HACE1: variants seen among roughly 807,000 people sequenced by gnomAD.
HACE1 encodes the protein HECT domain and ankyrin repeat containing E3 ubiquitin protein ligase 1, also known as E3 ubiquitin-protein ligase HACE1.
Under a neutral mutation model 118.4 loss-of-function variants are expected in HACE1, and 73 were observed. That is an observed-to-expected ratio of 0.62 (90% CI 0.51 to 0.75). The LOEUF (loss-of-function observed/expected upper bound fraction) is 0.75, where lower values mean the gene tolerates loss of function less well. Ranked by LOEUF, HACE1 falls within the 30% of genes least tolerant of loss-of-function variation. The pLI is 0.00. For synonymous variants in HACE1, 368 were observed against 374.8 expected, an observed-to-expected ratio of 0.98 and a Z score of 0.21; for missense variants, 749 against 1,102.2, an observed-to-expected ratio of 0.68 and a Z score of 4.54.
At chr6:104,814,266 G>A (rs1771898600) in intron 6 of HACE1, among the ~76,000 whole-genome samples, 1 of 137,410 alleles carries the variant, frequency 7.3e-6, no homozygotes, top group Non-Finnish European at 1.6e-5. Context: ...CCTTCAACGA[G>A]GCATGTCAAA....
At chr6:104,803,445 C>T (rs1186721809) in intron 7 of HACE1, among the ~76,000 whole-genome samples, 2 of 152,160 alleles carry the variant, frequency 1.3e-5, no homozygotes, top group Non-Finnish European at 2.9e-5. Flanking sequence ...CCTTGATGAA[C>T]ATTGATGCAA....
At chr6:104,831,980 GAGGAAGGAAGGAAGGAAGGAAGGA>G (rs71276551) in intron 6 of HACE1, among the ~76,000 whole-genome samples, 1 of 62,862 alleles carries the variant, frequency 1.6e-5, no homozygotes, top group Non-Finnish European at 3.0e-5. Context: ...GAAGAGAAGA[GAGGAAGGAAGGAAGGAAGGAAGGA>G]AGGAAGGAAG....
intron 22 of HACE1, among the ~76,000 whole-genome samples, chr6:104,735,623 T>A (rs1285553108): frequency 1.3e-5 from 2 of 150,792 alleles, no homozygotes; most frequent in Non-Finnish European, 2.9e-5. Context: ...AGAGCGAGAC[T>A]CCGTCTCAAA....
At chr6:104,825,133 T>C (rs1353895342) in intron 6 of HACE1, among the ~76,000 whole-genome samples, 1 of 151,110 alleles carries the variant, frequency 6.6e-6, no homozygotes, top group African/African-American at 2.4e-5. Flanking sequence ...GCAGAATATA[T>C]GGATCAAAAT....
chr6:104,785,297 G>A lies in HACE1; in HGVS notation c.1097C>T (p.Ser366Leu), dbSNP rs1487373016. Reference sequence around the variant, plus strand: ...TATTAAAACTAGCCATTCATCTAACGAGTGCCAAAGCAATTCCAGAGGCTG... The same window carrying A: ...TATTAAAACTAGCCATTCATCTAACAAGTGCCAAAGCAATTCCAGAGGCTG... The part of the protein sequence containing the change: ...VFKPLELLWH[S>L]LDEWLVLIAT... The change falls in exon 12 of 24, where the codon TCG (serine) becomes TTG (leucine). Residue 366 changes from serine to leucine, a missense_variant. Physicochemically the swap from Ser to Leu is moderately radical, Grantham distance 145. This residue lies in a region of HACE1 where 267 missense variants were observed against 312.2 expected (regional missense o/e 0.86). Transcript: ENST00000262903. 1.2e-6 allele frequency: 2 copies of A among 1,605,004 alleles called. No individual in the cohort carries two copies. The highest frequency in any genetic ancestry group is 1.1e-5 in the South Asian group (1 of 90,890).
chr6:104,793,882 A>T (rs1783334863), intron 10 of HACE1, among the ~76,000 whole-genome samples: 1 of 152,254 alleles, frequency 6.6e-6, no homozygotes, highest in African/African-American at 2.4e-5. Flanking sequence ...AATGGCCATA[A>T]AAATAAGATT....
Position 104,787,672 on chromosome 6 carries a change from C to A in HACE1, c.1075-2353G>T, listed in dbSNP as rs182365332. 3.2e-4 allele frequency among the ~76,000 whole-genome samples: 48 copies of A among 152,276 alleles called. No homozygotes were observed. The East Asian group carries it at 8.9e-3, about 28-fold the overall frequency. On this transcript the variant is annotated intron_variant, in intron 11 of 23. Coordinates refer to ENST00000262903, the MANE Select transcript of HACE1 (RefSeq NM_020771.4). ...AGGTAAGGCCTAACGCAAGAAATGA[C>A]ACAGGCTGATCATGCAGATGAGCAC...
intron 2 of HACE1, among the ~76,000 whole-genome samples, chr6:104,851,877 A>G (rs1428495334): frequency 6.6e-6 from 1 of 152,184 alleles, no homozygotes; most frequent in East Asian, 1.9e-4. Flanking sequence ...TGTATTTCAT[A>G]TATGGCCCTG....
At chr6:104,774,421 T>C (rs1372355638) in intron 17 of HACE1, among the ~76,000 whole-genome samples, 1 of 145,368 alleles carries the variant, frequency 6.9e-6, no homozygotes, top group African/African-American at 2.5e-5. Flanking sequence ...AGTCTCGCCC[T>C]GTCACCAGGC....
chr6:104,773,961 G>GTAA (rs1258593567), intron 17 of HACE1, among the ~76,000 whole-genome samples: 1 of 151,298 alleles, frequency 6.6e-6, no homozygotes, highest in Non-Finnish European at 1.5e-5. Context: ...TCATTTTCAT[G>GTAA]TAATAATAAT....
At chr6:104,856,188 A>G (rs1003637680) in intron 1 of HACE1, among the ~76,000 whole-genome samples, 14 of 152,198 alleles carry the variant, frequency 9.2e-5, no homozygotes, top group African/African-American at 3.4e-4. Context: ...TCACTTTATT[A>G]GACATGTTTG....
chr6:104,834,439 C>T (rs986456755), intron 5 of HACE1, among the ~76,000 whole-genome samples: 1 of 152,110 alleles, frequency 6.6e-6, no homozygotes, highest in African/African-American at 2.4e-5. Context: ...GTCTACCACT[C>T]AAAGATAATC....
intron 22 of HACE1, among the ~76,000 whole-genome samples, 174 bp downstream of exon 22, chr6:104,743,986 A>C (rs1777123506): frequency 1.3e-5 from 2 of 152,158 alleles, no homozygotes; most frequent in Admixed American, 6.5e-5. Context: ...GCTCACTACT[A>C]TAAATGTCTT....
intron 6 of HACE1, among the ~76,000 whole-genome samples, chr6:104,822,906 A>C (rs1772931642): frequency 6.6e-6 from 1 of 152,150 alleles, no homozygotes; most frequent in African/African-American, 2.4e-5. Context: ...ATTTCTATTT[A>C]TACTGTAGCG....
chr6:104,771,882 A>C lies in HACE1; in HGVS notation c.2014+43T>G, dbSNP rs35836867. The C allele has an allele frequency of 5.0e-6, 7 of 1,392,952 alleles. No individual in the cohort carries two copies. In the Admixed American group the frequency reaches 5.2e-5, roughly 10 times the overall value. 86.3% of individuals were successfully genotyped at this position (1,392,952 alleles called of 1,614,324 possible). A position where few individuals can be genotyped will look rare whatever the true frequency, so the allele number is the denominator to read the frequency against. ...TAGTTTTCCTCAAACTGAAAAAAAA[A>C]CAATATAAATAAATGTCTGCAGAAA... is the stretch of plus-strand genomic sequence containing the variant. On this transcript the variant is annotated intron_variant, in intron 18 of 23. Coordinates refer to ENST00000262903, the MANE Select transcript of HACE1 (RefSeq NM_020771.4).
intron 19 of HACE1, among the ~76,000 whole-genome samples, 186 bp from the exon 20 acceptor site, chr6:104,750,658 C>G (rs1175889030): frequency 6.6e-6 from 1 of 152,158 alleles, no homozygotes; most frequent in African/African-American, 2.4e-5. Context: ...GGGACTCAAT[C>G]ATCCATGACT....
intron 14 of HACE1, 47 bp from the exon 15 acceptor site, chr6:104,777,364 T>C (rs1214555700): frequency 1.7e-6 from 2 of 1,143,018 alleles, no homozygotes; most frequent in Non-Finnish European, 2.7e-6. Context: ...GTATCAGTCA[T>C]CTAATTATCA....
At chr6:104,829,924 C>T (rs563028762) in intron 6 of HACE1, among the ~76,000 whole-genome samples, 15 of 152,186 alleles carry the variant, frequency 9.9e-5, no homozygotes, top group Non-Finnish European at 1.9e-4. Flanking sequence ...CTTATACCAC[C>T]TAATTTTCAG....
intron 10 of HACE1, among the ~76,000 whole-genome samples, chr6:104,794,834 G>A (rs1783439907): frequency 6.6e-6 from 1 of 152,104 alleles, no homozygotes; most frequent in African/African-American, 2.4e-5. Flanking sequence ...GAACCTGGGA[G>A]GTGGAGGTTG....
Sources: allele counts gnomAD v4.1 joint callset (sites outside exome capture counted in the v4.1 genomes callset), GRCh38; gene constraint gnomAD v4.1.1; regional missense constraint gnomAD v4.1.1; transcripts MANE v1.5; gene names NCBI Gene and HGNC (gene_info 2026-07-23, HGNC 2026-07-21).